The following DPP6 variants were observed in gnomAD, a reference collection of about 807,000 sequenced individuals.
DPP6 encodes A-type potassium channel modulatory protein DPP6.
In DPP6, 69 loss-of-function variants were observed where a neutral mutation model predicts 122.6. The ratio of observed to expected loss-of-function variants is 0.56; its 90% CI spans 0.46 to 0.69. The LOEUF (loss-of-function observed/expected upper bound fraction) is 0.69. Ranked by LOEUF, DPP6 falls within the 30% of genes least tolerant of loss-of-function variation. The probability of loss-of-function intolerance (pLI) is 0.00; values close to 1 mark genes in which losing one functional copy is unlikely to be tolerated. For missense variants in DPP6, 928 were observed against 1,116.9 expected (o/e 0.83, Z 2.41); for synonymous variants, 418 against 433.1 (o/e 0.97, Z 0.43).
At chr7:154,243,345 G>T (rs1245171265) in intron 1 of DPP6, among the ~76,000 whole-genome samples, 9 of 147,876 alleles carry the variant, frequency 6.1e-5, no homozygotes, top group Non-Finnish European at 1.5e-5. Context: ...TTTCAGACAA[G>T]GATTTTAAGG....
chr7:154,271,406 C>T (rs926176209), intron 1 of DPP6, among the ~76,000 whole-genome samples: 5 of 152,250 alleles, frequency 3.3e-5, no homozygotes, highest in African/African-American at 9.6e-5. Flanking sequence ...GTGTTGAGTT[C>T]TACTGTGATT....
At chr7:154,172,474 G>T (rs1327516026) in intron 1 of DPP6, among the ~76,000 whole-genome samples, 2 of 152,134 alleles carry the variant, frequency 1.3e-5, no homozygotes, top group East Asian at 3.8e-4. Flanking sequence ...AGATCTGCTT[G>T]TTGAAACATG....
At chr7:154,655,911 G>T (rs1344948885) in intron 6 of DPP6, among the ~76,000 whole-genome samples, 3 of 152,138 alleles carry the variant, frequency 2.0e-5, no homozygotes, top group African/African-American at 7.2e-5. Context: ...TGAGCAAGTC[G>T]CTTTGGGCCT....
Position 154,894,045 on chromosome 7 carries a change from C to T in DPP6, c.*1565C>T, listed in dbSNP as rs1806856056. 6.6e-6 allele frequency: 1 copy of T among 152,280 alleles called. No individual in the cohort carries two copies. The highest frequency in any genetic ancestry group is 1.5e-5 in the Non-Finnish European group (1 of 68,036). 9.4% of individuals were successfully genotyped at this position (152,280 alleles called of 1,614,324 possible). A position where few individuals can be genotyped will look rare whatever the true frequency, so the allele number is the denominator to read the frequency against. ...ATAGTTAGGGTGATTGGAAGGTCTC[C>T]ATCACTGGGTGTTTTAAAGGTGATT... On this transcript the variant is annotated 3_prime_UTR_variant, in exon 26 of 26. Transcript: ENST00000377770.
intron 7 of DPP6, among the ~76,000 whole-genome samples, chr7:154,699,376 C>A (rs1840391156): frequency 6.6e-6 from 1 of 152,206 alleles, no homozygotes; most frequent in South Asian, 2.1e-4. Flanking sequence ...AGTCTCGGAT[C>A]TAACTGCAAT....
At chr7:154,409,846 C>T (rs892247703) in intron 1 of DPP6, among the ~76,000 whole-genome samples, 1 of 152,326 alleles carries the variant, frequency 6.6e-6, no homozygotes, top group African/African-American at 2.4e-5. Flanking sequence ...GCAGTGCTGG[C>T]TGGGAGGCTT....
chr7:154,358,551 A>G (rs1811462440), intron 1 of DPP6, among the ~76,000 whole-genome samples: 1 of 152,166 alleles, frequency 6.6e-6, no homozygotes, highest in African/African-American at 2.4e-5. Context: ...GACTGTGGCA[A>G]GCGGATGGCA....
chr7:154,671,707 T>C (rs1460890308), intron 7 of DPP6, among the ~76,000 whole-genome samples: 1 of 152,212 alleles, frequency 6.6e-6, no homozygotes, highest in Non-Finnish European at 1.5e-5. Flanking sequence ...CTTGAACAAC[T>C]GACCTTCACT....
At chr7:154,796,623 A>G (rs1487207403) in intron 12 of DPP6, among the ~76,000 whole-genome samples, 3 of 152,222 alleles carry the variant, frequency 2.0e-5, no homozygotes, top group Non-Finnish European at 2.9e-5. Context: ...ATTGTCTTAA[A>G]GACTCTGGAA....
chr7:154,713,340 C>T (rs1317646706), intron 7 of DPP6, among the ~76,000 whole-genome samples: 1 of 152,238 alleles, frequency 6.6e-6, no homozygotes, highest in Non-Finnish European at 1.5e-5. Context: ...TGGCCCTCTT[C>T]TCACAGTTCC....
chr7:154,879,351 CG>C lies in DPP6; in HGVS notation c.2079-1534del. Reference sequence around the variant, plus strand: ...ATCCCAGCACTTTGGGAGGCCGAGGCGGGCGGATCACGAGGTCAGGAGATCG... The same window carrying C: ...ATCCCAGCACTTTGGGAGGCCGAGGCGGCGGATCACGAGGTCAGGAGATCG... On this transcript the variant is annotated intron_variant, in intron 20 of 25. Coordinates refer to ENST00000377770, the MANE Select transcript of DPP6 (RefSeq NM_130797.4). Among the ~76,000 whole-genome samples the C allele has an allele frequency of 2.1e-5, 2 of 96,938 alleles. 1 individual carries two copies. The highest frequency in any genetic ancestry group is 6.3e-4 in the South Asian group (2 of 3,162). The allele number at this position is 96,938 out of a possible 152,430, so 63.6% of individuals were successfully genotyped here. A position where few individuals can be genotyped will look rare whatever the true frequency, so the allele number is the denominator to read the frequency against.
chr7:154,848,564 C>T (rs534024773), intron 16 of DPP6, among the ~76,000 whole-genome samples: 2 of 152,116 alleles, frequency 1.3e-5, no homozygotes, highest in African/African-American at 2.4e-5. Flanking sequence ...TGGTTATTAG[C>T]CCCTTATGTG....
upstream of DPP6, among the ~76,000 whole-genome samples, chr7:153,882,706 T>A (rs1798787533): frequency 6.6e-6 from 1 of 151,748 alleles, no homozygotes; most frequent in African/African-American, 2.4e-5. Flanking sequence ...ATGCCAGGAG[T>A]CAACACTAGG....
intron 1 of DPP6, among the ~76,000 whole-genome samples, chr7:153,894,230 A>G (rs1799316865): frequency 6.6e-6 from 1 of 151,928 alleles, no homozygotes; most frequent in African/African-American, 2.4e-5. Flanking sequence ...TTGCAGAGGT[A>G]AATACATTTA....
intron 7 of DPP6, among the ~76,000 whole-genome samples, chr7:154,701,749 A>C (rs530962338): frequency 6.6e-6 from 1 of 152,172 alleles, no homozygotes; most frequent in African/African-American, 2.4e-5. Flanking sequence ...GGCCAGAAAA[A>C]AATTCAAACC....
intron 5 of DPP6, among the ~76,000 whole-genome samples, chr7:154,630,453 G>A (rs182728193): frequency 2.6e-5 from 4 of 152,346 alleles, no homozygotes; most frequent in African/African-American, 9.6e-5. Context: ...AAGGGGAATG[G>A]CTGATGCGAA....
intron 1 of DPP6, among the ~76,000 whole-genome samples, chr7:154,331,524 C>T (rs902518830): frequency 6.6e-6 from 1 of 152,160 alleles, no homozygotes; most frequent in African/African-American, 2.4e-5. Flanking sequence ...GATGGTCACA[C>T]TCATCTGTGG....
At chr7:154,244,221 G>A (rs1329592405) in intron 1 of DPP6, among the ~76,000 whole-genome samples, 1 of 152,034 alleles carries the variant, frequency 6.6e-6, no homozygotes, top group Non-Finnish European at 1.5e-5. Context: ...GTAAGAAGAT[G>A]CAGAATAATA....
intron 1 of DPP6, among the ~76,000 whole-genome samples, chr7:153,922,467 C>G (rs1013900294): frequency 9.2e-5 from 14 of 152,174 alleles, no homozygotes; most frequent in African/African-American, 3.1e-4. Flanking sequence ...CCACTGTACT[C>G]CAGCCTGGGT....
Sources: gnomAD v4.1 joint callset for allele counts (sites outside exome capture counted in the v4.1 genomes callset) on GRCh38, gnomAD v4.1.1 for gene constraint, MANE v1.5 for transcripts, NCBI Gene and HGNC (gene_info 2026-07-23, HGNC 2026-07-21) for gene names.